LCT: variants seen among roughly 807,000 people sequenced by gnomAD.
LCT encodes lactase/phlorizin hydrolase.
LCT carries 90 observed loss-of-function variants against 173.0 expected under a neutral mutation model. The observed-to-expected ratio is 0.52, with a 90% CI of 0.44 to 0.62. The LOEUF is 0.62. Among genes scored for constraint, LCT ranks in the 20% least tolerant of loss-of-function variants. LCT has a pLI of 0.00. For synonymous variants in LCT, 853 were observed against 957.6 expected (o/e 0.89, Z 2.02); for missense variants, 1,864 against 2,431.4 (o/e 0.77, Z 4.91).
intron 4 of LCT, chr2:135,822,714 C>G (rs2077845484): frequency 6.3e-6 from 1 of 157,914 alleles, no homozygotes; most frequent in African/African-American, 2.4e-5. Context: ...TCCAGGTGTG[C>G]TATGGTTTGG....
chr2:135,826,567 T>TA (rs966629645), intron 3 of LCT, among the ~76,000 whole-genome samples: 61 of 149,534 alleles, frequency 4.1e-4, no homozygotes, highest in African/African-American at 1.0e-3. Context: ...GACTCCATCT[T>TA]AAAAAAAAAA....
At position 135,790,553 on chromosome 2, in the gene LCT, G is replaced by A. The variant is rs143544739; in HGVS notation, c.5335+105C>T. ...CCCCACAGGAGCAAGAAGGCTTATC[G>A]TTCTCTTCTTACTGTGGCCCAAGGA... On this transcript the variant is annotated intron_variant, in intron 15 of 16. Transcript: ENST00000264162. This position sits in a 1 kb window ranked among gnomAD's most constrained non-coding sequence, Gnocchi z 4.1. 777 of 753,788 alleles carry A rather than the reference G, an allele frequency of 1.0e-3. No individual in the cohort carries two copies. Among genetic ancestry groups the A allele is most frequent in the Non-Finnish European group, 1.2e-3 (539 of 434,886 alleles). 46.7% of individuals were successfully genotyped at this position (753,788 alleles called of 1,614,324 possible).
chr2:135,835,838 C>T (rs964920478), intron 1 of LCT, among the ~76,000 whole-genome samples: 1 of 150,184 alleles, frequency 6.7e-6, no homozygotes, highest in Non-Finnish European at 1.5e-5. Flanking sequence ...ATAGGGGAGC[C>T]GAGGGGGAAG....
Position 135,817,593 on chromosome 2 carries a change from C to T in LCT, c.1455G>A (p.Gln485=), listed in dbSNP as rs758248342. 6.2e-6 allele frequency: 10 copies of T among 1,614,166 alleles called. No homozygotes were observed. The highest frequency in any genetic ancestry group is 8.5e-6 in the Non-Finnish European group (10 of 1,180,030). ...AYYNKLIDRL[Q]DAGIEPMATL... ...TGGCCATGGGCTCGATGCCCGCATCCTGTAGCCTGTCAATCAGCTTGTTGT... is the reference window on the plus strand; with the variant it reads ...TGGCCATGGGCTCGATGCCCGCATCTTGTAGCCTGTCAATCAGCTTGTTGT... Residue 485 remains glutamine, a synonymous_variant, in exon 6 of 17, where the codon CAG becomes CAA. Transcript: ENST00000264162.
chr2:135,790,594 C>T lies in LCT; in HGVS notation c.5335+64G>A. 2 of 1,042,882 alleles carry T rather than the reference C, an allele frequency of 1.9e-6. No homozygotes were observed. Among genetic ancestry groups the T allele is most frequent in the Non-Finnish European group, 3.0e-6 (2 of 663,866 alleles). 64.6% of individuals were successfully genotyped at this position (1,042,882 alleles called of 1,614,324 possible). A position where few individuals can be genotyped will look rare whatever the true frequency, so the allele number is the denominator to read the frequency against. On this transcript the variant is annotated intron_variant, in intron 15 of 16. Coordinates refer to ENST00000264162, the MANE Select transcript of LCT (RefSeq NM_002299.4). This position sits in a 1 kb window ranked among gnomAD's most constrained non-coding sequence, Gnocchi z 4.1. ...GGCCCAAGGACGCTGTATCACACTC[C>T]TGCAAATAGCAGATGTTTCCAACAG...
intron 14 of LCT, among the ~76,000 whole-genome samples, chr2:135,794,124 C>T (rs12998016): frequency 0.54 from 80,559 of 150,196 alleles, 25,552 homozygotes; most frequent in Non-Finnish European, 0.73. Flanking sequence ...GGTGACAGAG[C>T]GAGACTCTGT....
At position 135,789,572 on chromosome 2, in the gene LCT, T is replaced by C; in HGVS notation, c.5562A>G (p.Pro1854=). 2 of 1,611,326 alleles carry C rather than the reference T, an allele frequency of 1.2e-6. No homozygotes were observed. Among genetic ancestry groups the C allele is most frequent in the Non-Finnish European group, 1.7e-6 (2 of 1,177,800 alleles). The change falls in exon 16 of 17, where the codon CCA becomes CCG. Residue 1854 remains proline (P), a splice_region_variant and synonymous_variant. Coordinates refer to ENST00000264162, the MANE Select transcript of LCT (RefSeq NM_002299.4). ...ATGPHACLHQ[P]DAGPTISPVR... ...TTCCCTCCCAGAGCCACATCTCACCTGGCTGGTGGAGACAAGCGTGAGGCC... is the reference window on the plus strand; with the variant it reads ...TTCCCTCCCAGAGCCACATCTCACCCGGCTGGTGGAGACAAGCGTGAGGCC...
At chr2:135,806,506 G>A (rs575049909) in intron 9 of LCT, among the ~76,000 whole-genome samples, 87 of 152,232 alleles carry the variant, frequency 5.7e-4, no homozygotes, top group African/African-American at 2.0e-3. Flanking sequence ...CTCACCCACT[G>A]ACTCACCCAA....
At chr2:135,808,300 C>A in intron 8 of LCT, 143 bp downstream of exon 8, 3 of 820,592 alleles carry the variant, frequency 3.7e-6, no homozygotes, top group Non-Finnish European at 4.3e-6. Flanking sequence ...ACATATAACC[C>A]CCAAACAGAT....
At chr2:135,822,140 C>T (rs113198550) in intron 4 of LCT, 42 bp from the exon 5 acceptor site, 16 of 1,140,464 alleles carry the variant, frequency 1.4e-5, no homozygotes, top group Admixed American at 1.3e-4. Context: ...TAAATGCCAA[C>T]TAAGAACATG....
chr2:135,822,904 T>C (rs1222830641), intron 4 of LCT: 1 of 152,346 alleles, frequency 6.6e-6, no homozygotes, highest in Non-Finnish European at 1.5e-5. Context: ...TACCATACAG[T>C]GGTTGTTATA....
Position 135,800,678 on chromosome 2 carries a change from T to C in LCT, c.4795A>G (p.Ser1599Gly). 6.2e-7 allele frequency: 1 copy of C among 1,613,708 alleles called. No homozygotes were observed. The highest frequency in any genetic ancestry group is 8.5e-7 in the Non-Finnish European group (1 of 1,180,022). The part of the protein sequence containing the change: ...SQGGVISITI[S>G]SDWAEPRDPS... ...TCTCTGGGTTCAGCCCAGTCACTGC[T>C]GATGGTGATGGAAATCACGCCACCT... The change falls in exon 12 of 17, where the codon AGC becomes GGC. Residue 1599 changes from serine (S) to glycine (G), a missense_variant. Physicochemically the swap from Ser to Gly is moderately conservative, Grantham distance 56. Around this residue, in one of 4 missense-constraint regions of LCT, gnomAD observed 514 missense variants for 750.1 expected, o/e 0.69. Coordinates refer to ENST00000264162, the MANE Select transcript of LCT (RefSeq NM_002299.4).
rs540663727 is a variant in LCT, at chr2:135,800,240, T to C, written c.4866+367A>G. Among the ~76,000 whole-genome samples the C allele has an allele frequency of 3.3e-5, 5 of 152,230 alleles. No homozygotes were observed. In the South Asian group the frequency reaches 1.0e-3, roughly 32 times the overall value. On this transcript the variant is annotated intron_variant, in intron 12 of 16. Transcript: ENST00000264162. ...ACTAGGCTTAGATCCTAATAATTCT[T>C]CTTTTTGGGGGTTGGGGGTGGTCTC... is the stretch of plus-strand genomic sequence containing the variant.
In LCT at chr2:135,812,684, C is replaced by A; in HGVS notation, c.1980G>T (p.Val660=). Reference sequence around the variant, plus strand: ...CCTCTGTGAACTCGGGGAGTTGAGCCACAGGATGGGAGCACTGTCTGTTCA... The same window carrying A: ...CCTCTGTGAACTCGGGGAGTTGAGCAACAGGATGGGAGCACTGTCTGTTCA... The part of the protein sequence containing the change: ...QQMNRQCSHP[V]AQLPEFTEAE... Residue 660 remains valine (V), a synonymous_variant, in exon 7 of 17, where the codon GTG becomes GTT. Coordinates refer to ENST00000264162, the MANE Select transcript of LCT (RefSeq NM_002299.4). 6.2e-7 allele frequency: 1 copy of A among 1,613,784 alleles called. No homozygotes were observed. The highest frequency in any genetic ancestry group is 8.5e-7 in the Non-Finnish European group (1 of 1,179,696).
chr2:135,830,090 C>T (rs972413729), intron 2 of LCT, among the ~76,000 whole-genome samples: 2 of 152,152 alleles, frequency 1.3e-5, no homozygotes, highest in Non-Finnish European at 2.9e-5. Context: ...CCTTCAGCCA[C>T]GCATGGCTCC....
chr2:135,790,899 A>G lies in LCT; in HGVS notation c.5112-18T>C, dbSNP rs756992855. 1 of 1,575,432 alleles carries G rather than the reference A, an allele frequency of 6.3e-7. No individual in the cohort carries two copies. Among genetic ancestry groups the G allele is most frequent in the Non-Finnish European group, 8.7e-7 (1 of 1,144,644 alleles). On this transcript the variant is annotated intron_variant, in intron 14 of 16. Transcript: ENST00000264162. The surrounding 1 kb of genome is among the most constrained non-coding windows in gnomAD (Gnocchi z 4.1). Reference sequence around the variant, plus strand: ...CAACTCCTCTACAAGTTCAAAAACTAAAGATGAGGTCTTGTTTTGTAAATC... The same window carrying G: ...CAACTCCTCTACAAGTTCAAAAACTGAAGATGAGGTCTTGTTTTGTAAATC...
intron 2 of LCT, among the ~76,000 whole-genome samples, chr2:135,831,440 C>G (rs955136757): frequency 6.6e-6 from 1 of 152,086 alleles, no homozygotes; most frequent in African/African-American, 2.4e-5. Context: ...GGGATTCGTC[C>G]CACTCGGAAG....
chr2:135,796,770 C>G (rs1043510358), intron 13 of LCT, among the ~76,000 whole-genome samples: 2 of 152,254 alleles, frequency 1.3e-5, no homozygotes, highest in African/African-American at 4.8e-5. Context: ...GACCCCTCCC[C>G]CTGGCCCTGG....
At chr2:135,796,835 C>T (rs897457558) in intron 13 of LCT, among the ~76,000 whole-genome samples, 3 of 151,920 alleles carry the variant, frequency 2.0e-5, no homozygotes, top group Non-Finnish European at 2.9e-5. Context: ...GGGCGCTCAT[C>T]GGTTTTGCTG....
Sources: gnomAD v4.1 joint callset for allele counts (sites outside exome capture counted in the v4.1 genomes callset) on GRCh38, gnomAD v4.1.1 for gene constraint, gnomAD v4.1.1 regional missense constraint, Gnocchi (gnomAD v3.1) non-coding constraint, MANE v1.5 for transcripts, NCBI Gene and HGNC (gene_info 2026-07-23, HGNC 2026-07-21) for gene names.